The following TMEM213 variants were observed in gnomAD, a reference collection of about 807,000 sequenced individuals.
The protein encoded by TMEM213 is transmembrane protein 213.
A neutral mutation model predicts 11.6 loss-of-function variants in TMEM213; 7 were observed. That is an observed-to-expected ratio of 0.60 (90% CI 0.34 to 1.13). The LOEUF is 1.13. TMEM213 is among the 50% of genes most tolerant of loss of function. TMEM213 has a pLI of 0.03. For synonymous variants in TMEM213, 60 were observed against 58.3 expected, an observed-to-expected ratio of 1.03 and a Z score of -0.13; for missense variants, 129 against 139.0, an observed-to-expected ratio of 0.93 and a Z score of 0.36.
In TMEM213 at chr7:138,805,381, T is replaced by TA. The variant is rs1809079138; in HGVS notation, c.*2312_*2313insA. On this transcript the variant is annotated 3_prime_UTR_variant, in exon 3 of 3. Coordinates refer to ENST00000442682, the MANE Select transcript of TMEM213 (RefSeq NM_001085429.2). ...CTGCACTCCAGCCTGGGCAACAAAG[T>TA]GAGACCCTGTCTGGAAAAAAAAAAA... 2 of 142,980 alleles carry TA rather than the reference T, an allele frequency of 1.4e-5. No individual in the cohort carries two copies. The highest frequency in any genetic ancestry group is 2.2e-4 in the South Asian group (1 of 4,548). 8.9% of individuals were successfully genotyped at this position (142,980 alleles called of 1,614,324 possible).
At chr7:138,799,029 G>A (rs920972323) in intron 1 of TMEM213, among the ~76,000 whole-genome samples, 5 of 152,078 alleles carry the variant, frequency 3.3e-5, no homozygotes, top group Non-Finnish European at 5.9e-5. Flanking sequence ...GGTTCAAGAC[G>A]TGCACTCTTG....
intron 1 of TMEM213, 147 bp downstream of exon 1, chr7:138,798,333 C>G (rs1268803953): frequency 8.3e-6 from 2 of 240,862 alleles, no homozygotes; most frequent in East Asian, 3.4e-4. Flanking sequence ...ACTTTCTCAT[C>G]TGAAGGATTA....
At chr7:138,801,076 T>TGGAGA (rs1378429561) in intron 1 of TMEM213, among the ~76,000 whole-genome samples, 1 of 152,134 alleles carries the variant, frequency 6.6e-6, no homozygotes, top group African/African-American at 2.4e-5. Flanking sequence ...TAACTGCCTC[T>TGGAGA]TCGAATGTCC....
intron 1 of TMEM213, among the ~76,000 whole-genome samples, chr7:138,800,856 C>T (rs1377062132): frequency 5.3e-5 from 8 of 152,032 alleles, no homozygotes; most frequent in African/African-American, 1.2e-4. Flanking sequence ...TGCACCACCA[C>T]GCCCGGCTGC....
Position 138,805,895 on chromosome 7 carries a change from T to C in TMEM213, c.*2826T>C, listed in dbSNP as rs1275733869. On this transcript the variant is annotated 3_prime_UTR_variant, in exon 3 of 3. Coordinates refer to ENST00000442682, the MANE Select transcript of TMEM213 (RefSeq NM_001085429.2). ...TTTTTTTTTTTTCTGCTTTAATAAG[T>C]GAAGGGTCAGGGCACCAGTTGGTGT... is the stretch of plus-strand genomic sequence containing the variant. 6.6e-6 allele frequency: 1 copy of C among 151,726 alleles called. No homozygotes were observed. The highest frequency in any genetic ancestry group is 1.5e-5 in the Non-Finnish European group (1 of 67,976). 9.4% of individuals were successfully genotyped at this position (151,726 alleles called of 1,614,324 possible).
At chr7:138,800,704 C>CTTCTTCTTCT (rs1563030174) in intron 1 of TMEM213, among the ~76,000 whole-genome samples, 1 of 37,566 alleles carries the variant, frequency 2.7e-5, no homozygotes, top group South Asian at 1.3e-3. Flanking sequence ...TCTTCTTCTT[C>CTTCTTCTTCT]TTTTTTTTTT....
chr7:138,806,580 A>C lies in TMEM213; in HGVS notation c.*3511A>C, dbSNP rs2130275062. 1 of 152,296 alleles carries C rather than the reference A, an allele frequency of 6.6e-6. No homozygotes were observed. The highest frequency in any genetic ancestry group is 1.9e-4 in the East Asian group (1 of 5,178). 9.4% of individuals were successfully genotyped at this position (152,296 alleles called of 1,614,324 possible). On this transcript the variant is annotated 3_prime_UTR_variant, in exon 3 of 3. Transcript: ENST00000442682. ...AGGCATCAACTTCCAGGGATCTAAT[A>C]ACTTCCTAACTTAAAGCAACAGAAC... is the stretch of plus-strand genomic sequence containing the variant.
chr7:138,798,018 G>C lies in TMEM213; in HGVS notation c.-87G>C, dbSNP rs1436304991. 6.4e-7 allele frequency: 1 copy of C among 1,550,802 alleles called. No homozygotes were observed. ...CAGAGTTGCTTTCCAGCTCCTGCAG[G>C]TGGGAGTCGACTCACCTGCAGCAGG... On this transcript the variant is annotated 5_prime_UTR_variant, in exon 1 of 3. Coordinates refer to ENST00000442682, the MANE Select transcript of TMEM213 (RefSeq NM_001085429.2).
At chr7:138,800,571 G>A (rs543410114) in intron 1 of TMEM213, among the ~76,000 whole-genome samples, 8 of 152,280 alleles carry the variant, frequency 5.3e-5, no homozygotes, top group African/African-American at 1.7e-4. Flanking sequence ...AGATCAAGGT[G>A]TTGATGGTTT....
rs1809083401 is a variant in TMEM213 at position 138,805,494 on chromosome 7, T to A, written c.*2425T>A. The A allele has an allele frequency of 6.6e-6, 1 of 152,146 alleles. No individual in the cohort carries two copies. The highest frequency in any genetic ancestry group is 1.5e-5 in the Non-Finnish European group (1 of 68,036). 9.4% of individuals were successfully genotyped at this position (152,146 alleles called of 1,614,324 possible). A position where few individuals can be genotyped will look rare whatever the true frequency, so the allele number is the denominator to read the frequency against. On this transcript the variant is annotated 3_prime_UTR_variant, in exon 3 of 3. Coordinates refer to ENST00000442682, the MANE Select transcript of TMEM213 (RefSeq NM_001085429.2). Reference sequence around the variant, plus strand: ...TGTTTTCAGAAATTCAAAGGAAGCGTTTCCACAATATGTGACGGTTTATTT... The same window carrying A: ...TGTTTTCAGAAATTCAAAGGAAGCGATTCCACAATATGTGACGGTTTATTT...
Position 138,803,392 on chromosome 7 carries a change from C to A in TMEM213, c.*323C>A. On this transcript the variant is annotated 3_prime_UTR_variant, in exon 3 of 3. Coordinates refer to ENST00000442682, the MANE Select transcript of TMEM213 (RefSeq NM_001085429.2). ...CTATAAGACTTAGTCTCATCATCAA[C>A]ATTTTCAGAAGCAAGTGCATAACCT... The A allele has an allele frequency of 3.6e-6, 1 of 274,742 alleles. No homozygotes were observed. Among genetic ancestry groups the A allele is most frequent in the Non-Finnish European group, 6.9e-6 (1 of 144,538 alleles). 17.0% of individuals were successfully genotyped at this position (274,742 alleles called of 1,614,324 possible).
chr7:138,802,899 G>A lies in TMEM213; in HGVS notation c.155-1G>A. The A allele has an allele frequency of 1.3e-6, 2 of 1,564,960 alleles. No homozygotes were observed. Among genetic ancestry groups the A allele is most frequent in the Non-Finnish European group, 1.7e-6 (2 of 1,159,566 alleles). On this transcript the variant is annotated splice_acceptor_variant, in intron 2 of 2. Transcript: ENST00000442682. LOFTEE classifies it high-confidence loss of function. ...CGTCCTTGCTGTCCCTTCCCCACCA[G>A]ACGTGGACTTCTGCCCACAAGCAGC...
At position 138,798,038 on chromosome 7, in the gene TMEM213, A is replaced by G. The variant is rs1295443525; in HGVS notation, c.-67A>G. On this transcript the variant is annotated 5_prime_UTR_variant, in exon 1 of 3. Transcript: ENST00000442682. ...TGCAGGTGGGAGTCGACTCACCTGCAGCAGGCACTCGGCACAACTCCGCAG... is the reference window on the plus strand; with the variant it reads ...TGCAGGTGGGAGTCGACTCACCTGCGGCAGGCACTCGGCACAACTCCGCAG... 1 of 1,555,210 alleles carries G rather than the reference A, an allele frequency of 6.4e-7. No homozygotes were observed. Among genetic ancestry groups the G allele is most frequent in the South Asian group, 1.2e-5 (1 of 84,160 alleles).
chr7:138,802,723 G>T (rs1808987878), intron 2 of TMEM213, among the ~76,000 whole-genome samples, 177 bp from the exon 3 acceptor site: 1 of 152,184 alleles, frequency 6.6e-6, no homozygotes, highest in Non-Finnish European at 1.5e-5. Flanking sequence ...CGCACCTGTC[G>T]CTTTGTGAGG....
In TMEM213 at chr7:138,801,313, A is replaced by G. The variant is rs1000067797; in HGVS notation, c.83-14A>G. Reference sequence around the variant, plus strand: ...TTGCCAGTGCCTCAGACTATCTCCTATCTTTTCTTCCAGAAGCAAGCAGCA... The same window carrying G: ...TTGCCAGTGCCTCAGACTATCTCCTGTCTTTTCTTCCAGAAGCAAGCAGCA... On this transcript the variant is annotated splice_polypyrimidine_tract_variant and intron_variant, in intron 1 of 2. Coordinates refer to ENST00000442682, the MANE Select transcript of TMEM213 (RefSeq NM_001085429.2). The G allele has an allele frequency of 1.9e-6, 3 of 1,608,918 alleles. No individual in the cohort carries two copies. The highest frequency in any genetic ancestry group is 1.3e-5 in the African/African-American group (1 of 74,824).
At chr7:138,802,785 A>T in intron 2 of TMEM213, 115 bp from the exon 3 acceptor site, 1 of 1,089,698 alleles carries the variant, frequency 9.2e-7, no homozygotes, top group Non-Finnish European at 1.3e-6. Context: ...GGCACGTAGT[A>T]GGCCTCATCA....
chr7:138,806,402 A>G lies in TMEM213; in HGVS notation c.*3333A>G, dbSNP rs1265478381. Reference sequence around the variant, plus strand: ...GTGGCGCATGCCTGTGGTCCCAGCTACTCGGGAGGCTGAGGTGGGAAGATC... The same window carrying G: ...GTGGCGCATGCCTGTGGTCCCAGCTGCTCGGGAGGCTGAGGTGGGAAGATC... On this transcript the variant is annotated 3_prime_UTR_variant, in exon 3 of 3. Transcript: ENST00000442682. The G allele has an allele frequency of 6.6e-6, 1 of 152,190 alleles. No homozygotes were observed. Among genetic ancestry groups the G allele is most frequent in the East Asian group, 1.9e-4 (1 of 5,200 alleles). The allele number at this position is 152,190 out of a possible 1,614,324, so 9.4% of individuals were successfully genotyped here.
chr7:138,800,198 G>A (rs534012128), intron 1 of TMEM213, among the ~76,000 whole-genome samples: 1 of 152,228 alleles, frequency 6.6e-6, no homozygotes, highest in Non-Finnish European at 1.5e-5. Context: ...GTCACACGCG[G>A]CAATGGAACC....
At chr7:138,801,046 C>A (rs1006677667) in intron 1 of TMEM213, among the ~76,000 whole-genome samples, 9 of 152,078 alleles carry the variant, frequency 5.9e-5, no homozygotes, top group Admixed American at 3.3e-4. Flanking sequence ...AGGGCCCACC[C>A]ATAGGACCTC....
Sources: allele counts gnomAD v4.1 joint callset (sites outside exome capture counted in the v4.1 genomes callset), GRCh38; gene constraint gnomAD v4.1.1; transcripts MANE v1.5; gene names NCBI Gene and HGNC (gene_info 2026-07-23, HGNC 2026-07-21).